RPH3AL: variants seen among roughly 807,000 people sequenced by gnomAD.
RPH3AL encodes rabphilin 3A like (without C2 domains).
In RPH3AL, 38 loss-of-function variants were observed where a neutral mutation model predicts 43.1. That is an observed-to-expected ratio of 0.88 (90% CI 0.68 to 1.15). The LOEUF (loss-of-function observed/expected upper bound fraction) is 1.15. Ranked by LOEUF, RPH3AL falls within the 50% of genes most tolerant of loss-of-function variation. The pLI, the probability that RPH3AL is intolerant of heterozygous loss-of-function variation, is 0.00. For synonymous variants in RPH3AL, 189 were observed against 176.3 expected (o/e 1.07, Z -0.57); for missense variants, 462 against 423.2 (o/e 1.09, Z -0.81).
At position 225,932 on chromosome 17, in the gene RPH3AL, C is replaced by G. The variant is rs2041096491; in HGVS notation, c.614-6196G>C. 6.6e-6 allele frequency among the ~76,000 whole-genome samples: 1 copy of G among 152,212 alleles called. No individual in the cohort carries two copies. The highest frequency in any genetic ancestry group is 2.1e-4 in the South Asian group (1 of 4,834). On this transcript the variant is annotated intron_variant, in intron 7 of 9. Transcript: ENST00000331302. The surrounding 1 kb of genome is among the most constrained non-coding windows in gnomAD (Gnocchi z 4.4). ...CTCACCCTCCATCTCCCCACTCTTC[C>G]TTGTTCTGTCATCTATCACACATGG... is the stretch of plus-strand genomic sequence containing the variant.
At chr17:277,971 TA>T (rs1009594160) in intron 6 of RPH3AL, among the ~76,000 whole-genome samples, 4 of 150,778 alleles carry the variant, frequency 2.7e-5, no homozygotes, top group East Asian at 2.0e-4. Context: ...ACAAAACAAA[TA>T]AAAAAAACCC....
intron 7 of RPH3AL, among the ~76,000 whole-genome samples, chr17:230,600 C>T (rs1192054267): frequency 6.6e-6 from 1 of 152,168 alleles, no homozygotes; most frequent in Non-Finnish European, 1.5e-5. Flanking sequence ...GAGAAAGGCC[C>T]CAGGCTCAGG....
chr17:300,218 A>T (rs75046422), intron 5 of RPH3AL, among the ~76,000 whole-genome samples: 3 of 52,612 alleles, frequency 5.7e-5, no homozygotes, highest in African/African-American at 8.8e-5. Flanking sequence ...TCTCTCACCC[A>T]CTCTAGAAGG....
intron 6 of RPH3AL, among the ~76,000 whole-genome samples, chr17:280,864 C>T (rs1004247209): frequency 2.6e-5 from 4 of 152,174 alleles, no homozygotes; most frequent in Non-Finnish European, 5.9e-5. Flanking sequence ...GAGCAATATT[C>T]AAAGACATCA....
At chr17:315,976 C>T (rs1308933034) in intron 5 of RPH3AL, among the ~76,000 whole-genome samples, 747 of 128,552 alleles carry the variant, frequency 5.8e-3, no homozygotes, top group Non-Finnish European at 7.4e-3. Context: ...CCTCCACTGA[C>T]GTGTAGTCCC....
At chr17:265,150 G>C (rs8075999) in intron 6 of RPH3AL, among the ~76,000 whole-genome samples, 3 of 152,048 alleles carry the variant, frequency 2.0e-5, no homozygotes, top group African/African-American at 4.8e-5. Flanking sequence ...GTAGTGGTGC[G>C]GTCTCAGCTC....
At chr17:275,414 G>A (rs897542099) in intron 6 of RPH3AL, among the ~76,000 whole-genome samples, 1 of 152,044 alleles carries the variant, frequency 6.6e-6, no homozygotes, top group Non-Finnish European at 1.5e-5. Context: ...GAAATGCACA[G>A]AAAAATACAC....
At chr17:314,544 A>C (rs1434003422) in intron 5 of RPH3AL, among the ~76,000 whole-genome samples, 3 of 104,974 alleles carry the variant, frequency 2.9e-5, no homozygotes, top group African/African-American at 1.3e-4. Context: ...ACCTCCATTG[A>C]CCTGTAGTCT....
intron 1 of RPH3AL, among the ~76,000 whole-genome samples, chr17:345,014 A>C (rs2151733936): frequency 7.4e-6 from 1 of 135,798 alleles, no homozygotes; most frequent in East Asian, 2.4e-4. Flanking sequence ...CTGGCCTGTA[A>C]TCCCAGCATT....
intron 1 of RPH3AL, among the ~76,000 whole-genome samples, chr17:338,265 C>T (rs896895106): frequency 1.3e-5 from 2 of 152,068 alleles, no homozygotes; most frequent in African/African-American, 4.8e-5. Flanking sequence ...AGTTCGAGAC[C>T]AGCCTGGGCA....
At chr17:316,384 T>C (rs2044186375) in intron 5 of RPH3AL, among the ~76,000 whole-genome samples, 1 of 149,416 alleles carries the variant, frequency 6.7e-6, no homozygotes, top group Non-Finnish European at 1.5e-5. Context: ...GTAGTCTCTC[T>C]GCACCCACCT....
chr17:253,275 G>A lies in RPH3AL; in HGVS notation c.439-5990C>T, dbSNP rs183557787. 1.7e-4 allele frequency among the ~76,000 whole-genome samples: 26 copies of A among 152,278 alleles called. 1 individual carries two copies. Among genetic ancestry groups the A allele is most frequent in the African/African-American group, 5.1e-4 (21 of 41,538 alleles). ...CCAGCCAGTCAAGGCCCTGTTTAAC[G>A]GGGAGTGGCCAGGTTGATGCTCAGG... On this transcript the variant is annotated intron_variant, in intron 6 of 9. Coordinates refer to ENST00000331302, the MANE Select transcript of RPH3AL (RefSeq NM_006987.4).
At chr17:249,832 C>T (rs1418195752) in intron 6 of RPH3AL, among the ~76,000 whole-genome samples, 4 of 150,178 alleles carry the variant, frequency 2.7e-5, no homozygotes, top group African/African-American at 7.4e-5. Context: ...ACTGCGGGAC[C>T]TCTCGGGGCC....
At chr17:253,850 C>T (rs868942460) in intron 6 of RPH3AL, among the ~76,000 whole-genome samples, 52 of 46,694 alleles carry the variant, frequency 1.1e-3, no homozygotes, top group African/African-American at 2.2e-3. Flanking sequence ...AGCCGCACGG[C>T]GTCTGTCCTG....
chr17:343,186 C>A (rs553368553), intron 1 of RPH3AL, among the ~76,000 whole-genome samples: 1 of 152,218 alleles, frequency 6.6e-6, no homozygotes, highest in East Asian at 1.9e-4. Flanking sequence ...CAGGTGTCCA[C>A]AGGCGACACA....
At position 292,196 on chromosome 17, in the gene RPH3AL, C is replaced by T. The variant is rs112056668; in HGVS notation, c.352-10342G>A. 9.2e-4 allele frequency among the ~76,000 whole-genome samples: 140 copies of T among 152,282 alleles called. 1 individual carries two copies. Among genetic ancestry groups the T allele is most frequent in the African/African-American group, 3.0e-3 (126 of 41,570 alleles). ...GGTGTCCCCGGGTCACCGGCCCCTCCGATCATAAGCTCAGCCCTGCTCAGC... is the reference window on the plus strand; with the variant it reads ...GGTGTCCCCGGGTCACCGGCCCCTCTGATCATAAGCTCAGCCCTGCTCAGC... On this transcript the variant is annotated intron_variant, in intron 5 of 9. Transcript: ENST00000331302.
At chr17:233,106 G>C (rs1162557176) in intron 7 of RPH3AL, among the ~76,000 whole-genome samples, 1 of 151,684 alleles carries the variant, frequency 6.6e-6, no homozygotes, top group Non-Finnish European at 1.5e-5. Context: ...TGGGTCTGAC[G>C]GGATTTCGTT....
At chr17:327,924 C>A (rs2044655717) in intron 2 of RPH3AL, among the ~76,000 whole-genome samples, 1 of 152,162 alleles carries the variant, frequency 6.6e-6, no homozygotes, top group African/African-American at 2.4e-5. Context: ...GCTCCCTGCC[C>A]CCTCCCAGTA....
Position 273,094 on chromosome 17 carries a change from G to GGCGAC in RPH3AL, c.438+8673_438+8674insGTCGC, listed in dbSNP as rs2042545936. ...GACGTCAGGGAGAGACCCCAGCGAGGGTGACGTCAGGGAGAGACCCCAGCG... is the reference window on the plus strand; with the variant it reads ...GACGTCAGGGAGAGACCCCAGCGAGGGCGACGTGACGTCAGGGAGAGACCCCAGCG... On this transcript the variant is annotated intron_variant, in intron 6 of 9. Coordinates refer to ENST00000331302, the MANE Select transcript of RPH3AL (RefSeq NM_006987.4). 4.3e-5 allele frequency among the ~76,000 whole-genome samples: 5 copies of GGCGAC among 117,500 alleles called. 1 individual carries two copies. Among genetic ancestry groups the GGCGAC allele is most frequent in the African/African-American group, 1.6e-4 (5 of 32,108 alleles). 77.1% of individuals were successfully genotyped at this position (117,500 alleles called of 152,430 possible).
Sources: allele counts gnomAD v4.1 joint callset (sites outside exome capture counted in the v4.1 genomes callset), GRCh38; gene constraint gnomAD v4.1.1; non-coding constraint Gnocchi (gnomAD v3.1); transcripts MANE v1.5; gene names NCBI Gene and HGNC (gene_info 2026-07-23, HGNC 2026-07-21).